Variants in PCLO observed in about 807,000 individuals in gnomAD.
PCLO encodes the protein protein piccolo.
A neutral mutation model predicts 427.5 loss-of-function variants in PCLO; 82 were observed. The ratio of observed to expected loss-of-function variants is 0.19; its 90% CI spans 0.16 to 0.23. The LOEUF is 0.23. Ranked by LOEUF, PCLO falls within the 10% of genes least tolerant of loss-of-function variation. The pLI, the probability that PCLO is intolerant of heterozygous loss-of-function variation, is 1.00. For missense variants in PCLO, 6,239 were observed against 6,115.9 expected (o/e 1.02, Z -0.67); for synonymous variants, 2,357 against 2,155.4 (o/e 1.09, Z -2.59).
In PCLO at chr7:83,134,294, C is replaced by T. The variant is rs1791654972; in HGVS notation, c.3256G>A (p.Val1086Met). 1.3e-6 allele frequency: 2 copies of T among 1,580,422 alleles called. No individual in the cohort carries two copies. The highest frequency in any genetic ancestry group is 1.7e-6 in the Non-Finnish European group (2 of 1,162,462). Residue 1086 changes from valine (V) to methionine (M), a missense_variant, in exon 3 of 25, where the codon GTG (valine) becomes ATG (methionine). Coordinates refer to ENST00000333891, the MANE Select transcript of PCLO (RefSeq NM_033026.6). ...GGGTTAAATCCACAGAGATTACACA[C>T]TTGATTCTTGCATTCAGTGCAAGTA... ...FNTCTECKNQ[V>M]CNLCGFNPTP...
rs539406314 is a variant in PCLO, at chr7:82,776,830, A to C, written c.15008-15337T>G. On this transcript the variant is annotated intron_variant, in intron 22 of 24. Coordinates refer to ENST00000333891, the MANE Select transcript of PCLO (RefSeq NM_033026.6). The stretch of plus-strand genomic sequence containing the variant: ...TCTCTCTTTCTCTCTCTCTCTCTCT[A>C]TATATACACACACACATATACACAT... Among the ~76,000 whole-genome samples the C allele has an allele frequency of 1.5e-4, 8 of 54,774 alleles. No homozygotes were observed. In the South Asian group the frequency reaches 2.6e-3, roughly 18 times the overall value. The allele number at this position is 54,774 out of a possible 152,430, so 35.9% of individuals were successfully genotyped here. A position where few individuals can be genotyped will look rare whatever the true frequency, so the allele number is the denominator to read the frequency against.
At chr7:83,039,743 A>G (rs1788925464) in intron 3 of PCLO, among the ~76,000 whole-genome samples, 1 of 152,116 alleles carries the variant, frequency 6.6e-6, no homozygotes, top group Admixed American at 6.6e-5. Context: ...AACCAGCTTA[A>G]ATTTTGATAG....
In PCLO at chr7:83,134,740, G is replaced by A; in HGVS notation, c.2810C>T (p.Ser937Leu). The change falls in exon 3 of 25, where the codon TCA becomes TTA. Residue 937 changes from serine (S) to leucine (L), a missense_variant. By Grantham distance (145) the Ser-to-Leu change is moderately radical. Around this residue, in one of 5 missense-constraint regions of PCLO, gnomAD observed 4,677 missense variants for 4,468.4 expected, o/e 1.05. Transcript: ENST00000333891. ...VTGKLFGFGA[S>L]IFSQASNLIS... ...TAAATTTGATGCCTGGCTGAAGATT[G>A]ATGCTCCAAACCCAAAGAGTTTCCC... The A allele has an allele frequency of 6.2e-7, 1 of 1,613,900 alleles. No individual in the cohort carries two copies. The highest frequency in any genetic ancestry group is 8.5e-7 in the Non-Finnish European group (1 of 1,179,860).
chr7:83,135,207 G>A lies in PCLO; in HGVS notation c.2343C>T (p.Ser781=), dbSNP rs1299429777. 1 of 1,613,858 alleles carries A rather than the reference G, an allele frequency of 6.2e-7. No homozygotes were observed. The highest frequency in any genetic ancestry group is 1.1e-5 in the South Asian group (1 of 91,076). ...SATTKPDIPS[S]KVQSQAEEKT... ...TCTCTTCAGCTTGTGACTGTACTTTGGAGCTTGGAATATCAGGTTTTGTTG... is the reference window on the plus strand; with the variant it reads ...TCTCTTCAGCTTGTGACTGTACTTTAGAGCTTGGAATATCAGGTTTTGTTG... Residue 781 remains serine, a synonymous_variant, in exon 3 of 25, where the codon TCC becomes TCT. Coordinates refer to ENST00000333891, the MANE Select transcript of PCLO (RefSeq NM_033026.6).
At chr7:82,968,268 A>G (rs1363639763) in intron 3 of PCLO, among the ~76,000 whole-genome samples, 1 of 152,114 alleles carries the variant, frequency 6.6e-6, no homozygotes, top group African/African-American at 2.4e-5. Context: ...TTCTCTTGTT[A>G]ATTTCATGTC....
Position 83,162,456 on chromosome 7 carries a change from C to T in PCLO, c.137G>A (p.Ser46Asn). 6.3e-7 allele frequency: 1 copy of T among 1,592,076 alleles called. No individual in the cohort carries two copies. Among genetic ancestry groups the T allele is most frequent in the Non-Finnish European group, 8.6e-7 (1 of 1,169,196 alleles). ...AIPAGMEADL[S>N]QLSEEERRQI... The stretch of plus-strand genomic sequence containing the variant: ...TCTCCTCTCCTCTTCGCTCAGCTGG[C>T]TCAAATCCGCCTCCATGCCGGCCGG... Residue 46 changes from serine (S) to asparagine (N), a missense_variant, in exon 1 of 25, where the codon AGC (serine) becomes AAC (asparagine). Ser to Asn is a conservative substitution (Grantham distance 46). Coordinates refer to ENST00000333891, the MANE Select transcript of PCLO (RefSeq NM_033026.6).
At chr7:82,792,233 T>C (rs1375418815) in intron 22 of PCLO, among the ~76,000 whole-genome samples, 1 of 152,162 alleles carries the variant, frequency 6.6e-6, no homozygotes, top group African/African-American at 2.4e-5. Flanking sequence ...ATTATTTACT[T>C]CAAATAATAC....
Position 82,954,064 on chromosome 7 carries a change from C to G in PCLO, c.6889G>C (p.Glu2297Gln), listed in dbSNP as rs773820261. ...TTGGCTTTCTTCACTGGGTCCTTTT[C>G]AGATATAAGTAAGTCAGTAGAAACA... Reference protein sequence around the residue: ...DTVSTDLLISEKDPVKKAKKE... With the variant: ...DTVSTDLLISQKDPVKKAKKE... Residue 2297 changes from glutamate (E) to glutamine (Q), a missense_variant, in exon 5 of 25, where the codon GAA (glutamate) becomes CAA (glutamine). Glu to Gln is a conservative substitution (Grantham distance 29). This residue lies in a region of PCLO where 4,677 missense variants were observed against 4,468.4 expected (regional missense o/e 1.05). Transcript: ENST00000333891. 2 of 1,613,770 alleles carry G rather than the reference C, an allele frequency of 1.2e-6. No individual in the cohort carries two copies. Among genetic ancestry groups the G allele is most frequent in the South Asian group, 2.2e-5 (2 of 91,058 alleles).
chr7:83,162,666 A>T lies in PCLO; in HGVS notation c.-74T>A. The stretch of plus-strand genomic sequence containing the variant: ...CAGTCGAGAAGCCCGCGGCCAGGGG[A>T]GCAGTCAGAGCCGGGGTCCGCCTCG... On this transcript the variant is annotated 5_prime_UTR_variant, in exon 1 of 25. Transcript: ENST00000333891. The T allele has an allele frequency of 6.8e-7, 1 of 1,461,094 alleles. No individual in the cohort carries two copies. Among genetic ancestry groups the T allele is most frequent in the South Asian group, 1.4e-5 (1 of 71,040 alleles). The allele number at this position is 1,461,094 out of a possible 1,614,324, so 90.5% of individuals were successfully genotyped here.
intron 10 of PCLO, among the ~76,000 whole-genome samples, chr7:82,862,458 C>T (rs1028869402): frequency 2.0e-5 from 3 of 146,690 alleles, no homozygotes; most frequent in African/African-American, 5.0e-5. Flanking sequence ...GGTATATATC[C>T]AAAAGAAGGG....
At chr7:82,978,120 A>G (rs1796061755) in intron 3 of PCLO, among the ~76,000 whole-genome samples, 1 of 152,014 alleles carries the variant, frequency 6.6e-6, no homozygotes, top group Non-Finnish European at 1.5e-5. Context: ...GAGAAATGAG[A>G]GTTCATGACT....
At chr7:83,042,027 A>T (rs1462255028) in intron 3 of PCLO, among the ~76,000 whole-genome samples, 1 of 152,148 alleles carries the variant, frequency 6.6e-6, no homozygotes, top group Non-Finnish European at 1.5e-5. Context: ...AAGCATGAAC[A>T]TTGTTATATT....
Position 82,930,285 on chromosome 7 carries a change from G to A in PCLO, c.11113-13412C>T, listed in dbSNP as rs12386625. 6.4e-3 allele frequency among the ~76,000 whole-genome samples: 979 copies of A among 152,072 alleles called. 9 individuals carry two copies. Among genetic ancestry groups the A allele is most frequent in the African/African-American group, 0.022 (926 of 41,438 alleles). On this transcript the variant is annotated intron_variant, in intron 6 of 24. Coordinates refer to ENST00000333891, the MANE Select transcript of PCLO (RefSeq NM_033026.6). The stretch of plus-strand genomic sequence containing the variant: ...CAATGTCTACTGCACAGTGTAGAAG[G>A]CTGTGCGGAGGGAGGGAGAAACAGC...
At chr7:83,125,140 A>G (rs1791399876) in intron 3 of PCLO, among the ~76,000 whole-genome samples, 2 of 151,976 alleles carry the variant, frequency 1.3e-5, no homozygotes, top group South Asian at 4.1e-4. Context: ...TTGGCCTCCC[A>G]AAGTGCTGAG....
Position 82,868,085 on chromosome 7 carries a change from C to G in PCLO, c.13654+11252G>C, listed in dbSNP as rs916847908. The G allele has an allele frequency of 1.1e-5, 5 of 455,480 alleles. No individual in the cohort carries two copies. In the Admixed American group the frequency reaches 1.2e-4, roughly 11 times the overall value. 28.2% of individuals were successfully genotyped at this position (455,480 alleles called of 1,614,324 possible). A position where few individuals can be genotyped will look rare whatever the true frequency, so the allele number is the denominator to read the frequency against. On this transcript the variant is annotated intron_variant, in intron 10 of 24. Transcript: ENST00000333891. ...AGCTTTAAGGAATTTTGAGAAATCTCATGCTAATGACCAATCCGTACCTGG... is the reference window on the plus strand; with the variant it reads ...AGCTTTAAGGAATTTTGAGAAATCTGATGCTAATGACCAATCCGTACCTGG...
At chr7:82,892,533 T>C (rs1317579425) in intron 9 of PCLO, among the ~76,000 whole-genome samples, 1 of 152,032 alleles carries the variant, frequency 6.6e-6, no homozygotes, top group Non-Finnish European at 1.5e-5. Flanking sequence ...ACTTCATGTC[T>C]AAAACACCAA....
chr7:83,027,564 C>T (rs1307374952), intron 3 of PCLO, among the ~76,000 whole-genome samples: 1 of 151,424 alleles, frequency 6.6e-6, no homozygotes, highest in Non-Finnish European at 1.5e-5. Flanking sequence ...TGAAACTATT[C>T]CAATCAACAG....
intron 6 of PCLO, among the ~76,000 whole-genome samples, chr7:82,928,726 T>G (rs1407923892): frequency 6.6e-6 from 1 of 152,130 alleles, no homozygotes; most frequent in Non-Finnish European, 1.5e-5. Flanking sequence ...AAGATAATTC[T>G]GAACTGGAGC....
chr7:82,936,470 A>G (rs1330126453), intron 6 of PCLO, among the ~76,000 whole-genome samples: 1 of 151,690 alleles, frequency 6.6e-6, no homozygotes. Context: ...ACAATGAGAT[A>G]CCAATTCACA....
Sources: allele counts gnomAD v4.1 joint callset (sites outside exome capture counted in the v4.1 genomes callset), GRCh38; gene constraint gnomAD v4.1.1; regional missense constraint gnomAD v4.1.1; transcripts MANE v1.5; gene names NCBI Gene and HGNC (gene_info 2026-07-23, HGNC 2026-07-21).